Variants in SEC61A1 observed in about 807,000 individuals in gnomAD.
SEC61A1 encodes the protein SEC61 translocon subunit alpha 1.
Under a neutral mutation model 55.2 loss-of-function variants are expected in SEC61A1, and 15 were observed. The observed-to-expected ratio is 0.27, with a 90% CI of 0.18 to 0.42. SEC61A1 has a LOEUF of 0.42. Among genes scored for constraint, SEC61A1 ranks in the 10% least tolerant of loss-of-function variants. The probability of loss-of-function intolerance (pLI) is 1.00; values close to 1 mark genes in which losing one functional copy is unlikely to be tolerated. For missense variants in SEC61A1, 284 were observed against 602.6 expected, an observed-to-expected ratio of 0.47 and a Z score of 5.53; for synonymous variants, 247 against 234.0, an observed-to-expected ratio of 1.06 and a Z score of -0.51.
chr3:128,056,289 T>G (rs550135125), intron 4 of SEC61A1, among the ~76,000 whole-genome samples: 175 of 152,354 alleles, frequency 1.1e-3, no homozygotes, highest in African/African-American at 4.0e-3. Context: ...TGTAGCTCAT[T>G]TTAACATAAT....
chr3:128,069,557 G>A lies in SEC61A1; in HGVS notation c.1326G>A (p.Gly442=), dbSNP rs1282553749. The change falls in exon 12 of 12, where the codon GGG becomes GGA. Residue 442 remains glycine (G), a synonymous_variant. Coordinates refer to ENST00000243253, the MANE Select transcript of SEC61A1 (RefSeq NM_013336.4). ...SVLADFLGAI[G]SGTGILLAVT... is the part of the protein sequence containing the mutation. Reference sequence around the variant, plus strand: ...TGGCTGACTTCCTAGGCGCCATTGGGTCTGGAACCGGGATCCTGCTCGCAG... The same window carrying A: ...TGGCTGACTTCCTAGGCGCCATTGGATCTGGAACCGGGATCCTGCTCGCAG... 6.2e-6 allele frequency: 10 copies of A among 1,614,118 alleles called. No homozygotes were observed. The highest frequency in any genetic ancestry group is 8.5e-6 in the Non-Finnish European group (10 of 1,180,034).
intron 5 of SEC61A1, among the ~76,000 whole-genome samples, chr3:128,057,954 G>A (rs1295515686): frequency 2.6e-5 from 4 of 152,048 alleles, no homozygotes; most frequent in African/African-American, 7.2e-5. Flanking sequence ...TTAGATGATA[G>A]CTCTTATGTT....
upstream of SEC61A1, chr3:128,051,736 T>TC (rs1941675770): frequency 2.7e-6 from 4 of 1,483,200 alleles, no homozygotes; most frequent in Non-Finnish European, 2.7e-6. Context: ...AAAGGTACTC[T>TC]CCCAGGAGGC....
upstream of SEC61A1, chr3:128,052,055 T>C (rs1045526352): frequency 5.8e-6 from 4 of 695,282 alleles, no homozygotes; most frequent in Non-Finnish European, 7.4e-6. Flanking sequence ...GTGAGTGCTG[T>C]TACGTGTATG....
chr3:128,069,896 G>A lies in SEC61A1; in HGVS notation c.*234G>A. ...AAATTTTATTCAGCCGACTGCCAGAGAAGTGGGAATGGTATAGGATTGTCC... is the reference window on the plus strand; with the variant it reads ...AAATTTTATTCAGCCGACTGCCAGAAAAGTGGGAATGGTATAGGATTGTCC... On this transcript the variant is annotated 3_prime_UTR_variant, in exon 12 of 12. Transcript: ENST00000243253. 1.9e-6 allele frequency: 1 copy of A among 532,198 alleles called. No individual in the cohort carries two copies. The highest frequency in any genetic ancestry group is 3.4e-6 in the Non-Finnish European group (1 of 298,342). The allele number at this position is 532,198 out of a possible 1,614,324, so 33.0% of individuals were successfully genotyped here.
rs753428759 is a variant in SEC61A1 at position 128,067,426 on chromosome 3, G to A, written c.981G>A (p.Thr327=). The change falls in exon 10 of 12, where the codon ACG becomes ACA. Residue 327 remains threonine (T), a synonymous_variant. Coordinates refer to ENST00000243253, the MANE Select transcript of SEC61A1 (RefSeq NM_013336.4). This position sits in a 1 kb window ranked among gnomAD's most constrained non-coding sequence, Gnocchi z 4.1. Reference sequence around the variant, plus strand: ...TTTGGTTTCTTCTTCCCCAGGACACGTCTTCTGGGGGCCCAGCACGTGCTT... The same window carrying A: ...TTTGGTTTCTTCTTCCCCAGGACACATCTTCTGGGGGCCCAGCACGTGCTT... ...LVSLLGTWSD[T]SSGGPARAYP... is the part of the protein sequence containing the mutation. The A allele has an allele frequency of 1.2e-5, 20 of 1,610,880 alleles. No individual in the cohort carries two copies. The highest frequency in any genetic ancestry group is 1.6e-5 in the Non-Finnish European group (19 of 1,178,950).
In SEC61A1 at chr3:128,056,611, A is replaced by C. The variant is rs780550531; in HGVS notation, c.221-98A>C. On this transcript the variant is annotated intron_variant, in intron 4 of 11. Transcript: ENST00000243253. ...GGAAACTGAAACACATTGGTTTTAT[A>C]TAAGGGGTACCCAGTCAAATTTTGC... 2.1e-5 allele frequency: 23 copies of C among 1,102,428 alleles called. No homozygotes were observed. In the African/African-American group the frequency reaches 3.5e-4, roughly 17 times the overall value. The allele number at this position is 1,102,428 out of a possible 1,614,324, so 68.3% of individuals were successfully genotyped here.
intron 5 of SEC61A1, among the ~76,000 whole-genome samples, chr3:128,057,122 C>G (rs556428268): frequency 6.0e-4 from 92 of 152,172 alleles, no homozygotes; most frequent in African/African-American, 2.2e-3. Flanking sequence ...TTAGTGGAGA[C>G]GGGATTTCAC....
At position 128,060,011 on chromosome 3, in the gene SEC61A1, C is replaced by T. The variant is rs990420607; in HGVS notation, c.353-91C>T. On this transcript the variant is annotated intron_variant, in intron 5 of 11. Transcript: ENST00000243253. ...CACTGCTCTTCATCTTTGTTCTCCC[C>T]CGTGCCTGGCGTTGAATTGGTGTTT... 6 of 908,394 alleles carry T rather than the reference C, an allele frequency of 6.6e-6. No homozygotes were observed. The Admixed American group carries it at 9.5e-5, about 14-fold the overall frequency. The allele number at this position is 908,394 out of a possible 1,614,324, so 56.3% of individuals were successfully genotyped here. A position where few individuals can be genotyped will look rare whatever the true frequency, so the allele number is the denominator to read the frequency against.
At chr3:128,059,765 C>T (rs767970390) in intron 5 of SEC61A1, among the ~76,000 whole-genome samples, 3 of 152,062 alleles carry the variant, frequency 2.0e-5, no homozygotes, top group East Asian at 1.9e-4. Context: ...ATTGTGTCTC[C>T]GGATGCTGTC....
rs769587207 is a variant in SEC61A1 at position 128,069,470 on chromosome 3, C to T, written c.1245-6C>T. The T allele has an allele frequency of 7.6e-5, 123 of 1,608,854 alleles. No homozygotes were observed. Among genetic ancestry groups the T allele is most frequent in the Admixed American group, 2.7e-4 (16 of 59,966 alleles). The stretch of plus-strand genomic sequence containing the variant: ...GTCCAGGAGCTGACTGTGTCCCCTC[C>T]CCCAGGTACATCCCCACAGCCGCGG... On this transcript the variant is annotated splice_polypyrimidine_tract_variant and splice_region_variant and intron_variant, in intron 11 of 11. Coordinates refer to ENST00000243253, the MANE Select transcript of SEC61A1 (RefSeq NM_013336.4).
chr3:128,056,520 T>C (rs1170194587), intron 4 of SEC61A1, among the ~76,000 whole-genome samples, 189 bp from the exon 5 acceptor site: 1 of 152,254 alleles, frequency 6.6e-6, no homozygotes, highest in African/African-American at 2.4e-5. Context: ...CCTGGCAGGC[T>C]GAACAGAATG....
Position 128,067,535 on chromosome 3 carries a change from TAC to T in SEC61A1, c.1092_1093del (p.Ile365SerfsTer16). 1 of 1,614,198 alleles carries T rather than the reference TAC, an allele frequency of 6.2e-7. No individual in the cohort carries two copies. The highest frequency in any genetic ancestry group is 8.5e-7 in the Non-Finnish European group (1 of 1,180,034). The part of the protein sequence containing the change: ...VLEDPVHAVV[Y>X]IVFMLGSCAF... ...AGAAGACCCGGTCCATGCAGTTGTA[TAC>T]ATAGTGTTCATGCTGGGCTCCTGTG... On this transcript the variant is annotated frameshift_variant, in exon 10 of 12. Coordinates refer to ENST00000243253, the MANE Select transcript of SEC61A1 (RefSeq NM_013336.4). LOFTEE classifies it high-confidence loss of function. The surrounding 1 kb of genome is among the most constrained non-coding windows in gnomAD (Gnocchi z 4.1).
chr3:128,062,668 C>T (rs1284068786), intron 7 of SEC61A1, among the ~76,000 whole-genome samples: 1 of 152,106 alleles, frequency 6.6e-6, no homozygotes, highest in Non-Finnish European at 1.5e-5. Context: ...TCGGAATGGT[C>T]CAGGAAGATG....
chr3:128,052,661 C>G, intron 1 of SEC61A1, 102 bp downstream of exon 1: 1 of 1,542,442 alleles, frequency 6.5e-7, no homozygotes. Context: ...GACCGGCCCC[C>G]TGCAGAACGC....
In SEC61A1 at chr3:128,070,997, G is replaced by A. The variant is rs190076308; in HGVS notation, c.*1335G>A. The A allele has an allele frequency of 6.6e-6, 1 of 152,512 alleles. No homozygotes were observed. The highest frequency in any genetic ancestry group is 1.9e-4 in the East Asian group (1 of 5,196). 9.4% of individuals were successfully genotyped at this position (152,512 alleles called of 1,614,324 possible). On this transcript the variant is annotated 3_prime_UTR_variant, in exon 12 of 12. Transcript: ENST00000243253. ...TGGGACCAAGGATGTTTTGCAGGAT[G>A]CCCTGATCCTAAGAAGGGGGCCTGG...
intron 8 of SEC61A1, among the ~76,000 whole-genome samples, chr3:128,066,064 C>T (rs958770743): frequency 6.6e-5 from 10 of 151,874 alleles, no homozygotes; most frequent in African/African-American, 1.9e-4. Flanking sequence ...TTTTTAAATC[C>T]TCTGTATTCC....
At position 128,067,288 on chromosome 3, in the gene SEC61A1, T is replaced by C. The variant is rs1317003679; in HGVS notation, c.976-133T>C. On this transcript the variant is annotated intron_variant, in intron 9 of 11. Coordinates refer to ENST00000243253, the MANE Select transcript of SEC61A1 (RefSeq NM_013336.4). This position sits in a 1 kb window ranked among gnomAD's most constrained non-coding sequence, Gnocchi z 4.1. Reference sequence around the variant, plus strand: ...TTTACAAATTCAGCACATTAAATTATCTTTTCAGTAAAAAAATTGTACTGT... The same window carrying C: ...TTTACAAATTCAGCACATTAAATTACCTTTTCAGTAAAAAAATTGTACTGT... 5.4e-6 allele frequency: 7 copies of C among 1,287,878 alleles called. No individual in the cohort carries two copies. The highest frequency in any genetic ancestry group is 6.5e-6 in the Non-Finnish European group (6 of 920,252). The allele number at this position is 1,287,878 out of a possible 1,614,324, so 79.8% of individuals were successfully genotyped here. A position where few individuals can be genotyped will look rare whatever the true frequency, so the allele number is the denominator to read the frequency against.
chr3:128,063,055 A>T (rs1425118306), intron 7 of SEC61A1, among the ~76,000 whole-genome samples: 2 of 152,206 alleles, frequency 1.3e-5, no homozygotes, highest in Non-Finnish European at 2.9e-5. Context: ...ATGTGCTTTT[A>T]AAAGGCAAAC....
Sources: allele counts gnomAD v4.1 joint callset (sites outside exome capture counted in the v4.1 genomes callset), GRCh38; gene constraint gnomAD v4.1.1; non-coding constraint Gnocchi (gnomAD v3.1); transcripts MANE v1.5; gene names NCBI Gene and HGNC (gene_info 2026-07-23, HGNC 2026-07-21).